UCHL1: variants seen among roughly 807,000 people sequenced by gnomAD.
UCHL1 encodes the protein ubiquitin carboxyl-terminal hydrolase isozyme L1.
Under a neutral mutation model 33.3 loss-of-function variants are expected in UCHL1, and 5 were observed. The observed-to-expected ratio is 0.15, with a 90% CI of 0.08 to 0.32. The LOEUF (loss-of-function observed/expected upper bound fraction) is 0.32. Among genes scored for constraint, UCHL1 ranks in the 10% least tolerant of loss-of-function variants. The probability of loss-of-function intolerance (pLI) is 1.00; values close to 1 mark genes in which losing one functional copy is unlikely to be tolerated. For missense variants in UCHL1, 236 were observed against 280.0 expected (o/e 0.84, Z 1.12); for synonymous variants, 132 against 108.8 (o/e 1.21, Z -1.33).
chr4:41,268,388 G>A lies in UCHL1; in HGVS notation c.*315G>A. On this transcript the variant is annotated 3_prime_UTR_variant, in exon 9 of 9. Coordinates refer to ENST00000284440, the MANE Select transcript of UCHL1 (RefSeq NM_004181.5). ...TTAAGACCTTGGATGTGGTTTAATT[G>A]TTTGTCCTCAAAAGGAATAAAACTT... is the stretch of plus-strand genomic sequence containing the variant. 1 of 390,144 alleles carries A rather than the reference G, an allele frequency of 2.6e-6. No individual in the cohort carries two copies. The highest frequency in any genetic ancestry group is 4.7e-6 in the Non-Finnish European group (1 of 214,800). 24.2% of individuals were successfully genotyped at this position (390,144 alleles called of 1,614,324 possible).
chr4:41,267,222 G>A (rs1282864899), intron 8 of UCHL1, among the ~76,000 whole-genome samples: 4 of 78,886 alleles, frequency 5.1e-5, no homozygotes, highest in African/African-American at 2.0e-4. Context: ...TCAGGTAAAC[G>A]TTAAGGCTGT....
In UCHL1 at chr4:41,264,278, C is replaced by T. The variant is rs3775256; in HGVS notation, c.585+117C>T. ...CAGCATCAGTTGCCTGGGTTAATAG[C>T]AGTCTTTAGGGCTGCAAGATCCTCT... is the stretch of plus-strand genomic sequence containing the variant. On this transcript the variant is annotated intron_variant, in intron 8 of 8. Coordinates refer to ENST00000284440, the MANE Select transcript of UCHL1 (RefSeq NM_004181.5). 0.2 allele frequency: 268,164 copies of T among 1,313,562 alleles called. 31,756 individuals carry two copies. The highest frequency in any genetic ancestry group is 0.52 in the East Asian group (22,313 of 43,196). The allele number at this position is 1,313,562 out of a possible 1,614,324, so 81.4% of individuals were successfully genotyped here.
chr4:41,266,534 T>C (rs1781157341), intron 8 of UCHL1, among the ~76,000 whole-genome samples: 1 of 152,126 alleles, frequency 6.6e-6, no homozygotes, highest in Admixed American at 6.6e-5. Context: ...TGTCCTATAG[T>C]AAGGTCAATT....
rs1780998323 is a variant in UCHL1, at chr4:41,257,527, G to C, written c.46-82G>C. The C allele has an allele frequency of 5.1e-6, 7 of 1,375,842 alleles. No individual in the cohort carries two copies. The South Asian group carries it at 6.9e-5, about 14-fold the overall frequency. The allele number at this position is 1,375,842 out of a possible 1,614,324, so 85.2% of individuals were successfully genotyped here. On this transcript the variant is annotated intron_variant, in intron 2 of 8. Transcript: ENST00000284440. The stretch of plus-strand genomic sequence containing the variant: ...GCTCGGGTGCGGGCGCGGAGGGCGC[G>C]CGCCTCCTGGCCCCGCCCCCTGGCA...
rs183586019 is a variant in UCHL1 at position 41,268,204 on chromosome 4, C to T, written c.*131C>T. On this transcript the variant is annotated 3_prime_UTR_variant, in exon 9 of 9. Coordinates refer to ENST00000284440, the MANE Select transcript of UCHL1 (RefSeq NM_004181.5). The stretch of plus-strand genomic sequence containing the variant: ...TTCTTCTGTTCTGCAGACACGCCTT[C>T]CCCTCAGCCACACCCAGGCACTTAA... 1.7e-5 allele frequency: 15 copies of T among 875,680 alleles called. No homozygotes were observed. Among genetic ancestry groups the T allele is most frequent in the Admixed American group, 1.4e-4 (7 of 49,764 alleles). The allele number at this position is 875,680 out of a possible 1,614,324, so 54.2% of individuals were successfully genotyped here.
At chr4:41,260,944 C>A in intron 4 of UCHL1, 147 bp downstream of exon 4, 1 of 1,222,820 alleles carries the variant, frequency 8.2e-7, no homozygotes, top group Non-Finnish European at 1.2e-6. Flanking sequence ...GACTCACAGT[C>A]CTCCTCAGAA....
chr4:41,261,445 A>AG (rs1183912956), intron 4 of UCHL1, among the ~76,000 whole-genome samples: 2 of 152,126 alleles, frequency 1.3e-5, no homozygotes, highest in Non-Finnish European at 2.9e-5. Context: ...GTGAGGTGGG[A>AG]GGGAAAAAGG....
intron 8 of UCHL1, among the ~76,000 whole-genome samples, chr4:41,266,757 C>T (rs1284609959): frequency 6.6e-6 from 1 of 152,070 alleles, no homozygotes; most frequent in Non-Finnish European, 1.5e-5. Flanking sequence ...GTAGCCAGGA[C>T]TAGAAGCGCA....
chr4:41,262,645 G>A (rs1310307307), intron 6 of UCHL1, among the ~76,000 whole-genome samples: 1 of 146,792 alleles, frequency 6.8e-6, no homozygotes, highest in Admixed American at 6.9e-5. Context: ...AAAAAAAAAA[G>A]TTGACAAGGT....
chr4:41,263,076 T>TTAG (rs1349723460), intron 6 of UCHL1, 149 bp from the exon 7 acceptor site: 40 of 684,510 alleles, frequency 5.8e-5, no homozygotes, highest in Non-Finnish European at 9.4e-5. Flanking sequence ...CTTAGTGGGC[T>TTAG]TAGAATAGGG....
chr4:41,266,752 C>T (rs1781160810), intron 8 of UCHL1, among the ~76,000 whole-genome samples: 1 of 151,974 alleles, frequency 6.6e-6, no homozygotes, highest in African/African-American at 2.4e-5. Flanking sequence ...TCTGAGTAGC[C>T]AGGACTAGAA....
chr4:41,257,440 T>C, intron 2 of UCHL1, 169 bp from the exon 3 acceptor site: 1 of 1,013,540 alleles, frequency 9.9e-7, no homozygotes, highest in East Asian at 3.2e-5. Context: ...GGCCGCGCTT[T>C]GTGCTGTGTC....
At position 41,265,407 on chromosome 4, in the gene UCHL1, A is replaced by G. The variant is rs1452622398; in HGVS notation, c.585+1246A>G. On this transcript the variant is annotated intron_variant, in intron 8 of 8. Coordinates refer to ENST00000284440, the MANE Select transcript of UCHL1 (RefSeq NM_004181.5). ...AGCCTGGGCAAAATGGTGAAACCCC[A>G]TCTCTACTAAAAATATAAAAATTAG... Among the ~76,000 whole-genome samples, 8 of 152,266 alleles carry G rather than the reference A, an allele frequency of 5.3e-5. No homozygotes were observed. The South Asian group carries it at 1.2e-3, about 24-fold the overall frequency.
chr4:41,265,462 C>T (rs1781136650), intron 8 of UCHL1, among the ~76,000 whole-genome samples: 1 of 152,138 alleles, frequency 6.6e-6, no homozygotes, highest in South Asian at 2.1e-4. Flanking sequence ...CCTGTAGTCC[C>T]AGCTGCTTGG....
At position 41,268,319 on chromosome 4, in the gene UCHL1, G is replaced by T. The variant is rs1373973079; in HGVS notation, c.*246G>T. On this transcript the variant is annotated 3_prime_UTR_variant, in exon 9 of 9. Transcript: ENST00000284440. ...TCTCCCCAGTGTATGTCTTGTATCC[G>T]ATATCTAACGCTTTAAATGGCTACT... The T allele has an allele frequency of 7.1e-6, 4 of 561,066 alleles. No individual in the cohort carries two copies. The highest frequency in any genetic ancestry group is 1.9e-5 in the African/African-American group (1 of 53,174). The allele number at this position is 561,066 out of a possible 1,614,324, so 34.8% of individuals were successfully genotyped here.
In UCHL1 at chr4:41,256,947, T is replaced by C. The variant is rs1202252974; in HGVS notation, c.-30T>C. On this transcript the variant is annotated 5_prime_UTR_variant, in exon 1 of 9. Coordinates refer to ENST00000284440, the MANE Select transcript of UCHL1 (RefSeq NM_004181.5). ...TCCGCTAGCTGTTTTTCGTCTTCCC[T>C]AGGCTATTTCTGCCGGGCGCTCCGC... is the stretch of plus-strand genomic sequence containing the variant. 1.2e-6 allele frequency: 2 copies of C among 1,613,968 alleles called. No individual in the cohort carries two copies. The highest frequency in any genetic ancestry group is 1.7e-6 in the Non-Finnish European group (2 of 1,179,998).
In UCHL1 at chr4:41,265,346, C is replaced by T. The variant is rs1023439904; in HGVS notation, c.585+1185C>T. ...ATAATCCCAGCACTTGGGAGGCTGA[C>T]GCGGGAGGATTGCTTGAGCTCAGGA... On this transcript the variant is annotated intron_variant, in intron 8 of 8. Coordinates refer to ENST00000284440, the MANE Select transcript of UCHL1 (RefSeq NM_004181.5). Among the ~76,000 whole-genome samples, 7 of 152,208 alleles carry T rather than the reference C, an allele frequency of 4.6e-5. No homozygotes were observed. In the South Asian group the frequency reaches 6.2e-4, roughly 14 times the overall value.
At chr4:41,265,881 G>A (rs1781144326) in intron 8 of UCHL1, among the ~76,000 whole-genome samples, 1 of 152,210 alleles carries the variant, frequency 6.6e-6, no homozygotes, top group Non-Finnish European at 1.5e-5. Flanking sequence ...TTTCATGAGA[G>A]TCAGAATTTA....
At chr4:41,259,044 C>G (rs555529811) in intron 3 of UCHL1, among the ~76,000 whole-genome samples, 1 of 152,180 alleles carries the variant, frequency 6.6e-6, no homozygotes, top group Non-Finnish European at 1.5e-5. Flanking sequence ...CCTTTAAAAG[C>G]TGACTGTTCT....
Sources: gnomAD v4.1 joint callset for allele counts (sites outside exome capture counted in the v4.1 genomes callset) on GRCh38, gnomAD v4.1.1 for gene constraint, MANE v1.5 for transcripts, NCBI Gene and HGNC (gene_info 2026-07-23, HGNC 2026-07-21) for gene names.